The following GNA14 variants were observed in gnomAD, a reference collection of about 807,000 sequenced individuals.
GNA14 encodes the protein guanine nucleotide-binding protein subunit alpha-14.
A neutral mutation model predicts 42.0 loss-of-function variants in GNA14; 50 were observed. The ratio of observed to expected loss-of-function variants is 1.19; its 90% CI spans 0.95 to 1.51. The LOEUF (loss-of-function observed/expected upper bound fraction) is 1.51. Among genes scored for constraint, GNA14 ranks in the 40% most tolerant of loss-of-function variants. GNA14 has a pLI of 0.00. For synonymous variants in GNA14, 173 were observed against 163.1 expected, an observed-to-expected ratio of 1.06 and a Z score of -0.46; for missense variants, 473 against 446.2, an observed-to-expected ratio of 1.06 and a Z score of -0.54.
chr9:77,429,162 G>T, intron 4 of GNA14, 126 bp from the exon 5 acceptor site: 1 of 866,806 alleles, frequency 1.2e-6, no homozygotes, highest in Non-Finnish European at 1.8e-6. Flanking sequence ...AGAGAAAAGA[G>T]GTTCTAAGTT....
At chr9:77,583,081 AGCACTCACTGGT>A (rs1823251469) in intron 1 of GNA14, among the ~76,000 whole-genome samples, 1 of 152,240 alleles carries the variant, frequency 6.6e-6, no homozygotes, top group Non-Finnish European at 1.5e-5. Context: ...ACTTCCCAGC[AGCACTCACTGGT>A]GCAAAGCTCA....
intron 1 of GNA14, among the ~76,000 whole-genome samples, chr9:77,596,120 C>T (rs1253951991): frequency 6.6e-6 from 1 of 152,100 alleles, no homozygotes; most frequent in Non-Finnish European, 1.5e-5. Flanking sequence ...AAGGCCACTT[C>T]ATATTTTTCT....
chr9:77,442,636 G>C (rs1835752416), intron 2 of GNA14, among the ~76,000 whole-genome samples: 1 of 152,160 alleles, frequency 6.6e-6, no homozygotes, highest in Non-Finnish European at 1.5e-5. Flanking sequence ...GATTCCATAG[G>C]GCAGCCTTGA....
intron 1 of GNA14, among the ~76,000 whole-genome samples, chr9:77,645,911 C>G (rs1011022561): frequency 6.6e-6 from 1 of 152,096 alleles, no homozygotes; most frequent in African/African-American, 2.4e-5. Context: ...GCAACTAAAC[C>G]CCTCTGGTTT....
At chr9:77,545,131 A>C (rs1787412079) in intron 1 of GNA14, among the ~76,000 whole-genome samples, 1 of 152,252 alleles carries the variant, frequency 6.6e-6, no homozygotes, top group South Asian at 2.1e-4. Context: ...AGGCAGGCAC[A>C]AAGATGAAGG....
At chr9:77,564,106 C>A (rs894125989) in intron 1 of GNA14, among the ~76,000 whole-genome samples, 2 of 152,118 alleles carry the variant, frequency 1.3e-5, no homozygotes, top group African/African-American at 4.8e-5. Context: ...CTCAAAGGAC[C>A]TTCCACCGGA....
intron 2 of GNA14, among the ~76,000 whole-genome samples, chr9:77,452,606 T>TGTGGTGTGGTGTGTG (rs1835927270): frequency 3.4e-3 from 1 of 298 alleles, no homozygotes; most frequent in Non-Finnish European, 5.2e-3. Context: ...GGTGTGTATG[T>TGTGGTGTGGTGTGTG]GTATGTGTGT....
At chr9:77,445,182 G>A (rs979906216) in intron 2 of GNA14, among the ~76,000 whole-genome samples, 1 of 152,182 alleles carries the variant, frequency 6.6e-6, no homozygotes, top group Non-Finnish European at 1.5e-5. Context: ...CTTCCTGCCT[G>A]TGCTTGCCAA....
At chr9:77,607,552 G>A (rs534334845) in intron 1 of GNA14, among the ~76,000 whole-genome samples, 1 of 152,312 alleles carries the variant, frequency 6.6e-6, no homozygotes, top group Admixed American at 6.5e-5. Flanking sequence ...AAGAAAGGCT[G>A]TAATACCAAC....
intron 1 of GNA14, among the ~76,000 whole-genome samples, chr9:77,640,128 T>G (rs1289998544): frequency 1.3e-5 from 2 of 152,200 alleles, no homozygotes; most frequent in African/African-American, 4.8e-5. Flanking sequence ...CAGAGAGGGC[T>G]CTCAAGCTTG....
At chr9:77,623,609 C>A (rs954233468) in intron 1 of GNA14, among the ~76,000 whole-genome samples, 4 of 152,264 alleles carry the variant, frequency 2.6e-5, no homozygotes, top group East Asian at 1.9e-4. Context: ...GTGGGTGCAA[C>A]GCACGGAGAG....
At position 77,429,453 on chromosome 9, in the gene GNA14, T is replaced by C. The variant is rs994599951; in HGVS notation, c.594-417A>G. Among the ~76,000 whole-genome samples the C allele has an allele frequency of 2.0e-5, 3 of 152,122 alleles. No individual in the cohort carries two copies. The East Asian group carries it at 5.8e-4, about 29-fold the overall frequency. On this transcript the variant is annotated intron_variant, in intron 4 of 6. Transcript: ENST00000341700. ...GGCTTCAGGACCCGAGCCTATTCTG[T>C]TTTTGTGGCTCCTCTAACTTACCTG...
intron 1 of GNA14, among the ~76,000 whole-genome samples, chr9:77,572,793 C>T (rs1448708475): frequency 6.6e-6 from 1 of 152,160 alleles, no homozygotes; most frequent in African/African-American, 2.4e-5. Flanking sequence ...TAAATCAGGT[C>T]AGGCCAGATC....
intron 1 of GNA14, among the ~76,000 whole-genome samples, chr9:77,638,118 C>T (rs1327201880): frequency 6.6e-6 from 1 of 152,150 alleles, no homozygotes; most frequent in Non-Finnish European, 1.5e-5. Flanking sequence ...GTCAACTAGC[C>T]TATCTCATTT....
intron 1 of GNA14, among the ~76,000 whole-genome samples, chr9:77,589,145 A>G (rs997206861): frequency 1.3e-5 from 2 of 152,210 alleles, no homozygotes; most frequent in Non-Finnish European, 2.9e-5. Flanking sequence ...TTTTAGGACC[A>G]GTTTACCAAA....
chr9:77,611,869 A>G (rs1403387306), intron 1 of GNA14, among the ~76,000 whole-genome samples: 1 of 152,134 alleles, frequency 6.6e-6, no homozygotes, highest in Non-Finnish European at 1.5e-5. Context: ...ACACTGACTT[A>G]CCATTGTGGA....
chr9:77,470,156 T>C (rs1836306213), intron 2 of GNA14, among the ~76,000 whole-genome samples: 1 of 152,114 alleles, frequency 6.6e-6, no homozygotes, highest in Non-Finnish European at 1.5e-5. Flanking sequence ...TACAGAATAG[T>C]CATGGCATGT....
At chr9:77,452,804 G>A (rs1039787282) in intron 2 of GNA14, among the ~76,000 whole-genome samples, 1 of 151,600 alleles carries the variant, frequency 6.6e-6, no homozygotes, top group African/African-American at 2.4e-5. Context: ...AGGTCATGAA[G>A]GTGGAGTCCT....
intron 1 of GNA14, among the ~76,000 whole-genome samples, chr9:77,546,345 C>T (rs889772022): frequency 6.6e-6 from 1 of 151,928 alleles, no homozygotes; most frequent in African/African-American, 2.4e-5. Flanking sequence ...ATATACCCTC[C>T]CCTTGTAAAT....
Sources: allele counts gnomAD v4.1 joint callset (sites outside exome capture counted in the v4.1 genomes callset), GRCh38; gene constraint gnomAD v4.1.1; transcripts MANE v1.5; gene names NCBI Gene and HGNC (gene_info 2026-07-23, HGNC 2026-07-21).